Variants in ELOVL7 observed in about 807,000 individuals in gnomAD.
The protein encoded by ELOVL7 is ELOVL fatty acid elongase 7, also known as very long chain fatty acid elongase 7.
A neutral mutation model predicts 35.7 loss-of-function variants in ELOVL7; 27 were observed. The ratio of observed to expected loss-of-function variants is 0.76; its 90% confidence interval spans 0.56 to 1.04. The LOEUF (loss-of-function observed/expected upper bound fraction) is 1.04. Among genes scored for constraint, ELOVL7 ranks in the 50% least tolerant of loss-of-function variants. The probability of loss-of-function intolerance (pLI) is 0.00; values close to 1 mark genes in which losing one functional copy is unlikely to be tolerated. For synonymous variants in ELOVL7, 113 were observed against 114.6 expected, an observed-to-expected ratio of 0.99 and a Z score of 0.09; for missense variants, 327 against 340.8, an observed-to-expected ratio of 0.96 and a Z score of 0.32.
Position 60,753,614 on chromosome 5 carries a change from T to C in ELOVL7, c.*1010A>G, listed in dbSNP as rs1436343805. 6.6e-6 allele frequency: 1 copy of C among 152,186 alleles called. No individual in the cohort carries two copies. Among genetic ancestry groups the C allele is most frequent in the Admixed American group, 6.5e-5 (1 of 15,270 alleles). The allele number at this position is 152,186 out of a possible 1,614,324, so 9.4% of individuals were successfully genotyped here. ...GTTGCTTCACAGCCACTCTAACTCATATCTGGAAACTGTGTACAATGGGTA... is the reference window on the plus strand; with the variant it reads ...GTTGCTTCACAGCCACTCTAACTCACATCTGGAAACTGTGTACAATGGGTA... On this transcript the variant is annotated 3_prime_UTR_variant, in exon 9 of 9. Transcript: ENST00000508821.
intron 1 of ELOVL7, among the ~76,000 whole-genome samples, chr5:60,807,989 T>A (rs1745032603): frequency 1.7e-5 from 1 of 59,890 alleles, no homozygotes; most frequent in Non-Finnish European, 3.0e-5. Context: ...TGAGACTCCG[T>A]CTCAAAAAAA....
At chr5:60,814,691 C>A (rs1025031743) in intron 1 of ELOVL7, among the ~76,000 whole-genome samples, 1 of 152,190 alleles carries the variant, frequency 6.6e-6, no homozygotes, top group African/African-American at 2.4e-5. Context: ...TGCCCCAGAT[C>A]ACACAGTTAC....
chr5:60,839,523 T>C (rs1242380420), intron 1 of ELOVL7, among the ~76,000 whole-genome samples: 1 of 152,186 alleles, frequency 6.6e-6, no homozygotes, highest in Non-Finnish European at 1.5e-5. Flanking sequence ...GTTTTCAACT[T>C]TTTGCAACTG....
rs72757157 is a variant in ELOVL7 at position 60,838,029 on chromosome 5, G to T, written c.-86+6131C>A. On this transcript the variant is annotated intron_variant, in intron 1 of 8. Coordinates refer to ENST00000508821, the MANE Select transcript of ELOVL7 (RefSeq NM_024930.3). ...TAAAGGCCTGATGGGAGGAGGAGAG[G>T]TTTCATAAAGGTGAAATGGCAAGCG... is the stretch of plus-strand genomic sequence containing the variant. Among the ~76,000 whole-genome samples the T allele has an allele frequency of 6.4e-3, 970 of 152,220 alleles. 9 individuals are homozygous for T. Among genetic ancestry groups the T allele is most frequent in the Middle Eastern group, 0.02 (6 of 294 alleles).
chr5:60,842,003 G>C (rs1867597), intron 1 of ELOVL7, among the ~76,000 whole-genome samples: 125,184 of 152,228 alleles, frequency 0.82, 51,765 homozygotes, highest in African/African-American at 0.89. Flanking sequence ...CCTGCCTGAT[G>C]TGTGCTACCA....
intron 1 of ELOVL7, among the ~76,000 whole-genome samples, chr5:60,800,216 A>G (rs1202232129): frequency 6.6e-6 from 1 of 152,160 alleles, no homozygotes; most frequent in Non-Finnish European, 1.5e-5. Context: ...TGATGAACAT[A>G]CTGGCAAAAA....
intron 1 of ELOVL7, among the ~76,000 whole-genome samples, chr5:60,821,129 CACAAGGCCACCAGAG>C (rs1267849985): frequency 6.6e-6 from 1 of 152,206 alleles, no homozygotes; most frequent in Non-Finnish European, 1.5e-5. Flanking sequence ...ATCCACTGTA[CACAAGGCCACCAGAG>C]TCATCTTCCC....
chr5:60,842,388 T>C (rs528897052), intron 1 of ELOVL7, among the ~76,000 whole-genome samples: 1 of 150,896 alleles, frequency 6.6e-6, no homozygotes, highest in Admixed American at 6.6e-5. Context: ...TAATGTGCAC[T>C]GACAGACGTT....
intron 8 of ELOVL7, 28 bp downstream of exon 8, chr5:60,757,481 A>G (rs755504708): frequency 5.6e-6 from 9 of 1,607,902 alleles, no homozygotes; most frequent in Non-Finnish European, 7.7e-6. Flanking sequence ...TGCTTCATAT[A>G]TGGTTTTAAA....
Position 60,754,851 on chromosome 5 carries a change from G to GA in ELOVL7, c.637-19dup, listed in dbSNP as rs772600717. The GA allele has an allele frequency of 1.1e-4, 169 of 1,601,380 alleles. No homozygotes were observed. Among genetic ancestry groups the GA allele is most frequent in the Non-Finnish European group, 1.4e-4 (160 of 1,172,096 alleles). On this transcript the variant is annotated intron_variant, in intron 8 of 8. Transcript: ENST00000508821. ...AACTGGACCTAAGAAATGAAAACGTGAAAAAAAATTATTCAGATATGAAGA... is the reference window on the plus strand; with the variant it reads ...AACTGGACCTAAGAAATGAAAACGTGAAAAAAAAATTATTCAGATATGAAGA...
At chr5:60,826,120 T>C (rs530889874) in intron 1 of ELOVL7, among the ~76,000 whole-genome samples, 7 of 152,284 alleles carry the variant, frequency 4.6e-5, no homozygotes, top group African/African-American at 1.7e-4. Context: ...ATAGTACGTA[T>C]CTATAAAATG....
chr5:60,775,808 C>T (rs186160808), intron 3 of ELOVL7, among the ~76,000 whole-genome samples: 1 of 152,250 alleles, frequency 6.6e-6, no homozygotes, highest in Admixed American at 6.5e-5. Flanking sequence ...CACTACCTAC[C>T]ACCATACACA....
intron 8 of ELOVL7, 83 bp downstream of exon 8, chr5:60,757,426 A>T (rs1003280508): frequency 3.4e-5 from 48 of 1,396,044 alleles, no homozygotes; most frequent in Non-Finnish European, 4.3e-5. Context: ...TTTCTTCTTT[A>T]TTTAACCAGT....
intron 7 of ELOVL7, among the ~76,000 whole-genome samples, chr5:60,759,938 T>A (rs1341914650): frequency 6.6e-6 from 1 of 152,192 alleles, no homozygotes; most frequent in East Asian, 1.9e-4. Context: ...GATTTCCAAT[T>A]TCATCCATGT....
intron 8 of ELOVL7, among the ~76,000 whole-genome samples, chr5:60,757,231 C>T (rs1223627074): frequency 1.3e-5 from 2 of 151,992 alleles, no homozygotes; most frequent in Non-Finnish European, 1.5e-5. Flanking sequence ...GGTCACATAA[C>T]GTTGGAGTTA....
chr5:60,765,065 A>G (rs1742155058), intron 6 of ELOVL7, among the ~76,000 whole-genome samples: 1 of 152,214 alleles, frequency 6.6e-6, no homozygotes. Context: ...AGCACAAAGA[A>G]AAGTATTAAG....
At position 60,754,412 on chromosome 5, in the gene ELOVL7, CA is replaced by C; in HGVS notation, c.*211del. The stretch of plus-strand genomic sequence containing the variant: ...GCAGCTAAAAAAACAAAAACAAAAA[CA>C]AAAACAAATTCTGGCTGCTGTAGGC... On this transcript the variant is annotated 3_prime_UTR_variant, in exon 9 of 9. Transcript: ENST00000508821. 1 of 532,296 alleles carries C rather than the reference CA, an allele frequency of 1.9e-6. No homozygotes were observed. The highest frequency in any genetic ancestry group is 2.7e-5 in the South Asian group (1 of 37,332). The allele number at this position is 532,296 out of a possible 1,614,324, so 33.0% of individuals were successfully genotyped here. A position where few individuals can be genotyped will look rare whatever the true frequency, so the allele number is the denominator to read the frequency against.
At chr5:60,832,398 C>T (rs1746531448) in intron 1 of ELOVL7, among the ~76,000 whole-genome samples, 1 of 151,772 alleles carries the variant, frequency 6.6e-6, no homozygotes, top group South Asian at 2.1e-4. Context: ...CGGAGTCTCG[C>T]TCTGTTGCCC....
chr5:60,767,719 A>T (rs1742327959), intron 5 of ELOVL7, 104 bp downstream of exon 5: 3 of 738,770 alleles, frequency 4.1e-6, no homozygotes, highest in Non-Finnish European at 4.8e-6. Flanking sequence ...ACAATCTGAT[A>T]ACTGAGTCAT....
Sources: allele counts gnomAD v4.1 joint callset (sites outside exome capture counted in the v4.1 genomes callset), GRCh38; gene constraint gnomAD v4.1.1; transcripts MANE v1.5; gene names NCBI Gene and HGNC (gene_info 2026-07-23, HGNC 2026-07-21).